Variants in RGS17 observed in about 807,000 individuals in gnomAD.
RGS17 encodes regulator of G-protein signaling 17.
Under a neutral mutation model 25.5 loss-of-function variants are expected in RGS17, and 12 were observed. That is an observed-to-expected ratio of 0.47 (90% CI 0.30 to 0.76). The LOEUF (loss-of-function observed/expected upper bound fraction) is 0.76. Among genes scored for constraint, RGS17 ranks in the 30% least tolerant of loss-of-function variants. RGS17 has a pLI of 0.07. For missense variants in RGS17, 196 were observed against 242.2 expected (o/e 0.81, Z 1.27); for synonymous variants, 71 against 76.9 (o/e 0.92, Z 0.40).
intron 1 of RGS17, among the ~76,000 whole-genome samples, chr6:153,046,254 G>A (rs541716229): frequency 6.6e-6 from 1 of 152,172 alleles, no homozygotes; most frequent in African/African-American, 2.4e-5. Flanking sequence ...CAGCTAGATA[G>A]GAGGAATAAG....
chr6:153,125,431 T>C (rs1025113975), intron 1 of RGS17, among the ~76,000 whole-genome samples: 1 of 152,236 alleles, frequency 6.6e-6, no homozygotes, highest in Non-Finnish European at 1.5e-5. Context: ...AGAGTAAAAA[T>C]TCAAATCCAT....
At chr6:153,112,572 A>C (rs1043354645) in intron 1 of RGS17, among the ~76,000 whole-genome samples, 1 of 152,146 alleles carries the variant, frequency 6.6e-6, no homozygotes, top group African/African-American at 2.4e-5. Context: ...AATACAGAGA[A>C]CACCACAAAG....
intron 4 of RGS17, among the ~76,000 whole-genome samples, chr6:153,020,105 A>ATATATATATAT (rs1469690646): frequency 4.3e-5 from 1 of 23,362 alleles, no homozygotes; most frequent in Non-Finnish European, 8.8e-5. Context: ...TATCTTAAAA[A>ATATATATATAT]AAAAAAATAT....
intron 1 of RGS17, among the ~76,000 whole-genome samples, chr6:153,123,127 T>C: frequency 9.4e-6 from 1 of 105,990 alleles, no homozygotes; most frequent in Non-Finnish European, 2.0e-5. Context: ...GGTCATTGTA[T>C]TGCTTTATAG....
At chr6:153,012,296 T>A (rs1048448802) in intron 4 of RGS17, among the ~76,000 whole-genome samples, 1 of 152,142 alleles carries the variant, frequency 6.6e-6, no homozygotes, top group African/African-American at 2.4e-5. Flanking sequence ...AATGAGCAGG[T>A]ATGCTTCAGG....
chr6:153,026,321 A>G (rs766013416), intron 3 of RGS17, 133 bp downstream of exon 3: 43 of 500,108 alleles, frequency 8.6e-5, no homozygotes, highest in Non-Finnish European at 1.4e-4. Context: ...AAGATCTTCC[A>G]GATTGAATTT....
intron 1 of RGS17, among the ~76,000 whole-genome samples, chr6:153,125,979 G>A (rs1777698491): frequency 6.6e-6 from 1 of 152,182 alleles, no homozygotes; most frequent in Admixed American, 6.5e-5. Context: ...GTCAAAAACA[G>A]GAGCTTACAA....
At chr6:153,127,590 T>C (rs1475060290) in intron 1 of RGS17, among the ~76,000 whole-genome samples, 1 of 152,222 alleles carries the variant, frequency 6.6e-6, no homozygotes, top group African/African-American at 2.4e-5. Flanking sequence ...TAAAGCCAGC[T>C]TGACCCAAAA....
At chr6:153,033,087 T>C (rs1776174774) in intron 2 of RGS17, among the ~76,000 whole-genome samples, 1 of 152,230 alleles carries the variant, frequency 6.6e-6, no homozygotes, top group Non-Finnish European at 1.5e-5. Flanking sequence ...CCATGGAAAC[T>C]GAAGACAAAT....
chr6:153,030,856 T>C (rs1779354622), intron 2 of RGS17, among the ~76,000 whole-genome samples: 1 of 152,154 alleles, frequency 6.6e-6, no homozygotes, highest in African/African-American at 2.4e-5. Flanking sequence ...AAACATCACA[T>C]GGCATTGTGA....
At chr6:153,072,235 A>G (rs1407513742) in intron 1 of RGS17, among the ~76,000 whole-genome samples, 2 of 152,164 alleles carry the variant, frequency 1.3e-5, no homozygotes, top group African/African-American at 4.8e-5. Flanking sequence ...ATATAATAGC[A>G]TTGCTCTATT....
chr6:153,078,931 TA>T (rs1370194146), intron 1 of RGS17, among the ~76,000 whole-genome samples: 1 of 107,726 alleles, frequency 9.3e-6, no homozygotes, highest in Non-Finnish European at 2.2e-5. Flanking sequence ...CTCTAGTAGT[TA>T]AGAAAAAAAA....
At chr6:153,038,959 C>T (rs1192278772) in intron 2 of RGS17, among the ~76,000 whole-genome samples, 2 of 151,986 alleles carry the variant, frequency 1.3e-5, no homozygotes, top group Admixed American at 6.6e-5. Flanking sequence ...ACTAATGTAT[C>T]CAAAAAAGAG....
chr6:153,072,132 G>A (rs1473507115), intron 1 of RGS17, among the ~76,000 whole-genome samples: 1 of 152,058 alleles, frequency 6.6e-6, no homozygotes, highest in Admixed American at 6.6e-5. Flanking sequence ...AACTGCCCAG[G>A]CTGCTCAGTT....
intron 1 of RGS17, among the ~76,000 whole-genome samples, chr6:153,092,815 A>G (rs993584482): frequency 6.6e-6 from 1 of 152,192 alleles, no homozygotes; most frequent in African/African-American, 2.4e-5. Flanking sequence ...CTTTTAGTCC[A>G]GCTACCCCCT....
chr6:153,125,181 A>G (rs1282069464), intron 1 of RGS17, among the ~76,000 whole-genome samples: 1 of 152,190 alleles, frequency 6.6e-6, no homozygotes, highest in Non-Finnish European at 1.5e-5. Context: ...TCAACAGCCA[A>G]TCAGCAGTAC....
At chr6:153,034,243 G>C (rs1183340617) in intron 2 of RGS17, among the ~76,000 whole-genome samples, 7 of 152,088 alleles carry the variant, frequency 4.6e-5, no homozygotes, top group Admixed American at 4.6e-4. Context: ...CAACAATCTT[G>C]ATCTGTAGAG....
At chr6:153,038,486 T>G (rs1279620867) in intron 2 of RGS17, among the ~76,000 whole-genome samples, 1 of 152,238 alleles carries the variant, frequency 6.6e-6, no homozygotes, top group Non-Finnish European at 1.5e-5. Flanking sequence ...AAGTGATATG[T>G]ATGATGGTCT....
At chr6:153,046,893 A>G (rs1042876464) in intron 1 of RGS17, among the ~76,000 whole-genome samples, 6 of 152,200 alleles carry the variant, frequency 3.9e-5, no homozygotes, top group Non-Finnish European at 7.3e-5. Flanking sequence ...AAAGGAGTAT[A>G]CCACATGCTG....
Sources: allele counts gnomAD v4.1 joint callset (sites outside exome capture counted in the v4.1 genomes callset), GRCh38; gene constraint gnomAD v4.1.1; transcripts MANE v1.5; gene names NCBI Gene and HGNC (gene_info 2026-07-23, HGNC 2026-07-21).